LINC00632: variants seen among roughly 807,000 people sequenced by gnomAD.
LINC00632 encodes the protein ALDOA related specific transcript.
At chrX:140,769,439 T>C (rs1329842377) in intron 3 of LINC00632, among the ~76,000 whole-genome samples, 2 of 110,751 alleles carry the variant, frequency 1.8e-5, no homozygotes, top group African/African-American at 6.6e-5. Flanking sequence ...CCATTTGATT[T>C]CCATAGCATC....
intron 3 of LINC00632, among the ~76,000 whole-genome samples, chrX:140,750,373 G>A (rs193121964): frequency 9.1e-6 from 1 of 110,376 alleles, no homozygotes; most frequent in African/African-American, 3.3e-5. Flanking sequence ...ACAATATATT[G>A]TATTCTTGAA....
exon 5 of LINC00632, chrX:140,783,772 T>A (rs774259523): frequency 8.3e-7 from 1 of 1,210,331 alleles, no homozygotes; most frequent in Admixed American, 2.2e-5. Flanking sequence ...CCAATATATG[T>A]CTTCCTGAAG....
chrX:140,783,798 A>G (rs1479102112), exon 5 of LINC00632: 2 of 1,206,924 alleles, frequency 1.7e-6, no homozygotes, highest in Admixed American at 4.4e-5. Context: ...CGTCTTCCAG[A>G]AAATCCATGT....
At chrX:140,768,983 G>A (rs1198814850) in intron 3 of LINC00632, among the ~76,000 whole-genome samples, 2 of 108,555 alleles carry the variant, frequency 1.8e-5, no homozygotes, top group African/African-American at 6.7e-5. Flanking sequence ...AAGGAAAGAG[G>A]GAGCATTCCA....
chrX:140,735,588 CAG>C (rs1304690177), intron 3 of LINC00632, among the ~76,000 whole-genome samples: 1 of 107,351 alleles, frequency 9.3e-6, no homozygotes, highest in Non-Finnish European at 1.9e-5. Context: ...TTTATTGAGA[CAG>C]AGTTTCGCTC....
intron 3 of LINC00632, among the ~76,000 whole-genome samples, chrX:140,758,885 A>G (rs947090251): frequency 1.6e-4 from 18 of 110,802 alleles, no homozygotes; most frequent in African/African-American, 5.6e-4. Context: ...TATCACACAC[A>G]ACTCACCTCA....
intron 3 of LINC00632, among the ~76,000 whole-genome samples, chrX:140,755,184 A>G (rs1931473976): frequency 1.8e-5 from 2 of 112,272 alleles, no homozygotes; most frequent in Non-Finnish European, 3.8e-5. Context: ...GTGCTTGAAA[A>G]AGAGGTGCTG....
chrX:140,712,658 C>G (rs1028249912), intron 2 of LINC00632, among the ~76,000 whole-genome samples: 13 of 110,811 alleles, frequency 1.2e-4, no homozygotes, highest in Non-Finnish European at 3.8e-5. Context: ...AGTGAGCCAC[C>G]TCTTTTCACT....
chrX:140,760,590 G>A (rs973335639), intron 3 of LINC00632, among the ~76,000 whole-genome samples: 2 of 111,761 alleles, frequency 1.8e-5, no homozygotes, highest in Non-Finnish European at 3.8e-5. Flanking sequence ...TACCAACATG[G>A]AGAAACCCTG....
At chrX:140,744,145 A>C (rs781402808) in intron 3 of LINC00632, among the ~76,000 whole-genome samples, 1 of 110,777 alleles carries the variant, frequency 9.0e-6, no homozygotes, top group South Asian at 3.9e-4. Flanking sequence ...GGCTGCCACA[A>C]GGGCTGCAAA....
chrX:140,755,353 A>G (rs1257920019), intron 3 of LINC00632, among the ~76,000 whole-genome samples: 7 of 112,327 alleles, frequency 6.2e-5, no homozygotes, highest in Non-Finnish European at 1.3e-4. Flanking sequence ...TTTTGATCAA[A>G]TACTACTTCC....
chrX:140,724,962 C>CAGGG (rs1707185423), intron 2 of LINC00632, among the ~76,000 whole-genome samples: 2 of 99,896 alleles, frequency 2.0e-5, no homozygotes, highest in East Asian at 6.7e-4. Context: ...CATACACACA[C>CAGGG]AGAGACACAT....
At chrX:140,746,331 CCTGT>C (rs1336623528) in intron 3 of LINC00632, among the ~76,000 whole-genome samples, 2 of 112,245 alleles carry the variant, frequency 1.8e-5, no homozygotes, top group Non-Finnish European at 3.8e-5. Flanking sequence ...GCTTATTCCT[CCTGT>C]CTAACTGAAA....
exon 5 of LINC00632, among the ~76,000 whole-genome samples, chrX:140,775,559 T>A (rs771936990): frequency 1.8e-5 from 2 of 112,099 alleles, no homozygotes; most frequent in Non-Finnish European, 3.8e-5. Flanking sequence ...CGCTGTTGTT[T>A]CTGTCTTAAT....
chrX:140,773,993 G>C (rs767836327), exon 4 of LINC00632, among the ~76,000 whole-genome samples: 1 of 112,452 alleles, frequency 8.9e-6, no homozygotes, highest in Admixed American at 9.4e-5. Context: ...TTTGGAATGA[G>C]GTTGTGACTG....
chrX:140,726,408 A>G (rs1230531347), intron 2 of LINC00632, among the ~76,000 whole-genome samples: 1 of 110,821 alleles, frequency 9.0e-6, no homozygotes, highest in Non-Finnish European at 1.9e-5. Flanking sequence ...ACAAAGACTC[A>G]CCTCCCATAC....
intron 2 of LINC00632, among the ~76,000 whole-genome samples, chrX:140,724,612 C>A (rs1011833482): frequency 4.0e-5 from 2 of 49,909 alleles, no homozygotes; most frequent in Non-Finnish European, 7.6e-5. Context: ...TACACACACA[C>A]ACAAACACAT....
intron 3 of LINC00632, among the ~76,000 whole-genome samples, chrX:140,744,003 T>C (rs1931283395): frequency 8.9e-6 from 1 of 111,890 alleles, no homozygotes; most frequent in African/African-American, 3.2e-5. Flanking sequence ...ATACAGTATA[T>C]TTGGTTGCAT....
chrX:140,770,927 C>T (rs1010471877), intron 3 of LINC00632, among the ~76,000 whole-genome samples: 3 of 111,748 alleles, frequency 2.7e-5, no homozygotes, highest in African/African-American at 9.8e-5. Flanking sequence ...CTCAAAGCTA[C>T]ACTAACCCAA....
Sources: allele counts gnomAD v4.1 joint callset (sites outside exome capture counted in the v4.1 genomes callset), GRCh38; gene constraint gnomAD v4.1.1; transcripts MANE v1.5; gene names NCBI Gene and HGNC (gene_info 2026-07-23, HGNC 2026-07-21).